The following PRR30 variants were observed in gnomAD, a reference collection of about 807,000 sequenced individuals.
PRR30 encodes proline-rich protein 30.
For synonymous variants in PRR30, 229 were observed against 222.7 expected (o/e 1.03, Z -0.25); for missense variants, 546 against 525.3 (o/e 1.04, Z -0.39).
At chr2:27,138,878 G>A (rs946801137) in intron 2 of PRR30, 92 bp downstream of exon 2, 1 of 161,766 alleles carries the variant, frequency 6.2e-6, no homozygotes, top group Non-Finnish European at 1.4e-5. Flanking sequence ...AAGGAGGAAG[G>A]GAGGGTAGGA....
At position 27,138,537 on chromosome 2, in the gene PRR30, C is replaced by T; in HGVS notation, c.-208G>A. 1.1e-6 allele frequency: 1 copy of T among 912,314 alleles called. No homozygotes were observed. Among genetic ancestry groups the T allele is most frequent in the Non-Finnish European group, 1.6e-6 (1 of 634,172 alleles). The allele number at this position is 912,314 out of a possible 1,614,324, so 56.5% of individuals were successfully genotyped here. On this transcript the variant is annotated 5_prime_UTR_variant, in exon 3 of 3. Transcript: ENST00000335524. ...TCCAGCACCAGGCTCTCAGGGTGTT[C>T]AGGCATGAGCATGAATCTAAGCTTG... is the stretch of plus-strand genomic sequence containing the variant.
rs999320574 is a variant in PRR30 at position 27,137,333 on chromosome 2, G to C, written c.997C>G (p.His333Asp). ...PQGKATQACG[H>D]QLPASQPPAA... ...GGAGGCTGAGATGCTGGCAATTGAT[G>C]CCCACAGGCCTGAGTAGCCTTGCCC... The change falls in exon 3 of 3, where the codon CAT becomes GAT. Residue 333 changes from histidine to aspartate, a missense_variant. By Grantham distance (81) the His-to-Asp change is moderately conservative. Transcript: ENST00000335524. This position sits in a 1 kb window ranked among gnomAD's most constrained non-coding sequence, Gnocchi z 4.3. 7.4e-6 allele frequency: 12 copies of C among 1,614,110 alleles called. No homozygotes were observed. In the African/African-American group the frequency reaches 1.6e-4, roughly 22 times the overall value.
rs1391007311 is a variant in PRR30 at position 27,137,776 on chromosome 2, C to G, written c.554G>C (p.Gly185Ala). 7 of 1,613,300 alleles carry G rather than the reference C, an allele frequency of 4.3e-6. No homozygotes were observed. Among genetic ancestry groups the G allele is most frequent in the Non-Finnish European group, 5.9e-6 (7 of 1,179,474 alleles). Reference sequence around the variant, plus strand: ...CTCCACCACTCCAGGGGACCCGGACCCAGTGTCCCTGTACTGATGCCAGCG... The same window carrying G: ...CTCCACCACTCCAGGGGACCCGGACGCAGTGTCCCTGTACTGATGCCAGCG... ...TWRWHQYRDT[G>A]SGSPGVVERC... is the part of the protein sequence containing the mutation. The change falls in exon 3 of 3, where the codon GGG (glycine) becomes GCG (alanine). Residue 185 changes from glycine (G) to alanine (A), a missense_variant. Coordinates refer to ENST00000335524, the MANE Select transcript of PRR30 (RefSeq NM_178553.4). The surrounding 1 kb of genome is among the most constrained non-coding windows in gnomAD (Gnocchi z 4.3).
chr2:27,137,364 C>A lies in PRR30; in HGVS notation c.966G>T (p.Gly322=). Residue 322 remains glycine (G), a synonymous_variant, in exon 3 of 3, where the codon GGG becomes GGT. Transcript: ENST00000335524. This position sits in a 1 kb window ranked among gnomAD's most constrained non-coding sequence, Gnocchi z 4.3. ...LLPEKRPKEA[G]PQGKATQACG... ...AGGCCTGAGTAGCCTTGCCCTGAGG[C>A]CCTGCTTCCTTCGGCCTTTTCTCGG... The A allele has an allele frequency of 6.2e-7, 1 of 1,614,156 alleles. No individual in the cohort carries two copies. The highest frequency in any genetic ancestry group is 2.2e-5 in the East Asian group (1 of 44,882).
In PRR30 at chr2:27,138,101, C is replaced by T; in HGVS notation, c.229G>A (p.Asp77Asn). The change falls in exon 3 of 3, where the codon GAC becomes AAC. Residue 77 changes from aspartate to asparagine, a missense_variant. Transcript: ENST00000335524. ...TGTGGAGCAAAGTCAGAATTTGAGTCACAAGAGCCGAATTGGAAGCCAGGA... is the reference window on the plus strand; with the variant it reads ...TGTGGAGCAAAGTCAGAATTTGAGTTACAAGAGCCGAATTGGAAGCCAGGA... ...PSPGFQFGSC[D>N]SNSDFAPHPY... 6.2e-7 allele frequency: 1 copy of T among 1,613,818 alleles called. No homozygotes were observed. The highest frequency in any genetic ancestry group is 8.5e-7 in the Non-Finnish European group (1 of 1,179,982).
At position 27,137,296 on chromosome 2, in the gene PRR30, G is replaced by A. The variant is rs140219248; in HGVS notation, c.1034C>T (p.Ala345Val). 2 of 1,614,138 alleles carry A rather than the reference G, an allele frequency of 1.2e-6. No homozygotes were observed. Among genetic ancestry groups the A allele is most frequent in the African/African-American group, 2.7e-5 (2 of 74,940 alleles). Residue 345 changes from alanine (A) to valine (V), a missense_variant, in exon 3 of 3, where the codon GCC (alanine) becomes GTC (valine). By Grantham distance (64) the Ala-to-Val change is moderately conservative (BLOSUM62 0). Coordinates refer to ENST00000335524, the MANE Select transcript of PRR30 (RefSeq NM_178553.4). The surrounding 1 kb of genome is among the most constrained non-coding windows in gnomAD (Gnocchi z 4.3). ...LPASQPPAAQ[A>V]RADPVPGTPS... ...TGTGCCTGGGACTGGGTCGGCCCGG[G>A]CCTGAGCTGCTGGAGGCTGAGATGC... is the stretch of plus-strand genomic sequence containing the variant.
Position 27,137,868 on chromosome 2 carries a change from G to A in PRR30, c.462C>T (p.Ser154=). Reference sequence around the variant, plus strand: ...TGGGGCCTGGGGAAGTGAGTGTGGAGCTATGCAGTTCCTCGGGGTGGGAAG... The same window carrying A: ...TGGGGCCTGGGGAAGTGAGTGTGGAACTATGCAGTTCCTCGGGGTGGGAAG... ...QSPSHPEELH[S]STLTSPGPSP... The change falls in exon 3 of 3, where the codon AGC becomes AGT. Residue 154 remains serine (S), a synonymous_variant. Transcript: ENST00000335524. The surrounding 1 kb of genome is among the most constrained non-coding windows in gnomAD (Gnocchi z 4.3). 6.3e-7 allele frequency: 1 copy of A among 1,599,046 alleles called. No individual in the cohort carries two copies. Among genetic ancestry groups the A allele is most frequent in the Admixed American group, 1.7e-5 (1 of 59,258 alleles).
In PRR30 at chr2:27,137,722, G is replaced by T. The variant is rs915073303; in HGVS notation, c.608C>A (p.Ala203Glu). 9.9e-6 allele frequency: 16 copies of T among 1,613,924 alleles called. No homozygotes were observed. Among genetic ancestry groups the T allele is most frequent in the Non-Finnish European group, 1.4e-5 (16 of 1,180,030 alleles). The part of the protein sequence containing the change: ...ERCVPSEKDP[A>E]QFRDPGALAQ... Reference sequence around the variant, plus strand: ...CAGGGCCCCTGGGTCCCTGAACTGTGCAGGATCCTTCTCGCTTGGCACGCA... The same window carrying T: ...CAGGGCCCCTGGGTCCCTGAACTGTTCAGGATCCTTCTCGCTTGGCACGCA... The change falls in exon 3 of 3, where the codon GCA becomes GAA. Residue 203 changes from alanine (A) to glutamate (E), a missense_variant. Coordinates refer to ENST00000335524, the MANE Select transcript of PRR30 (RefSeq NM_178553.4). The surrounding 1 kb of genome is among the most constrained non-coding windows in gnomAD (Gnocchi z 4.3).
In PRR30 at chr2:27,138,305, C is replaced by A. The variant is rs543742544; in HGVS notation, c.25G>T (p.Val9Leu). Residue 9 changes from valine to leucine, a missense_variant, in exon 3 of 3, where the codon GTG becomes TTG. Physicochemically the swap from Val to Leu is conservative, Grantham distance 32. Transcript: ENST00000335524. MLPQNKDQVLPQTSVLPGR... is the reference protein window; with the variant it reads MLPQNKDQLLPQTSVLPGR... Reference sequence around the variant, plus strand: ...GGGAGCACTGAGGTCTGTGGCAGCACCTGGTCCTTGTTTTGAGGCAACATC... The same window carrying A: ...GGGAGCACTGAGGTCTGTGGCAGCAACTGGTCCTTGTTTTGAGGCAACATC... 4.7e-5 allele frequency: 75 copies of A among 1,603,574 alleles called. 1 individual carries two copies. The highest frequency in any genetic ancestry group is 1.4e-4 in the South Asian group (13 of 90,588).
In PRR30 at chr2:27,137,425, A is replaced by G. The variant is rs1471964283; in HGVS notation, c.905T>C (p.Leu302Pro). The change falls in exon 3 of 3, where the codon CTG becomes CCG. Residue 302 changes from leucine (L) to proline (P), a missense_variant. Leu to Pro is a moderately conservative substitution (Grantham distance 98). Transcript: ENST00000335524. The surrounding 1 kb of genome is among the most constrained non-coding windows in gnomAD (Gnocchi z 4.3). ...CAAGGCCCTGGCCTGGCCCTGAGGC[A>G]GGCGGAGGCCGAAGCCGATGCCTAT... is the stretch of plus-strand genomic sequence containing the variant. The part of the protein sequence containing the change: ...LRIGIGFGLR[L>P]PQGQARALHL... 1.2e-6 allele frequency: 2 copies of G among 1,612,890 alleles called. No individual in the cohort carries two copies. Among genetic ancestry groups the G allele is most frequent in the African/African-American group, 1.3e-5 (1 of 75,064 alleles).
chr2:27,137,702 C>A lies in PRR30; in HGVS notation c.628G>T (p.Ala210Ser), dbSNP rs765597175. The A allele has an allele frequency of 5.0e-6, 8 of 1,613,560 alleles. No homozygotes were observed. Among genetic ancestry groups the A allele is most frequent in the African/African-American group, 2.7e-5 (2 of 74,942 alleles). Residue 210 changes from alanine to serine, a missense_variant, in exon 3 of 3, where the codon GCC becomes TCC. By Grantham distance (99) the Ala-to-Ser change is moderately conservative (BLOSUM62 1). Coordinates refer to ENST00000335524, the MANE Select transcript of PRR30 (RefSeq NM_178553.4). This position sits in a 1 kb window ranked among gnomAD's most constrained non-coding sequence, Gnocchi z 4.3. ...KDPAQFRDPG[A>S]LAQALVVQLG... Reference sequence around the variant, plus strand: ...TGGACCACCAGGGCCTGGGCCAGGGCCCCTGGGTCCCTGAACTGTGCAGGA... The same window carrying A: ...TGGACCACCAGGGCCTGGGCCAGGGACCCTGGGTCCCTGAACTGTGCAGGA...
In PRR30 at chr2:27,137,756, C is replaced by T; in HGVS notation, c.574G>A (p.Val192Met). 6.2e-7 allele frequency: 1 copy of T among 1,613,946 alleles called. No homozygotes were observed. Among genetic ancestry groups the T allele is most frequent in the Non-Finnish European group, 8.5e-7 (1 of 1,179,878 alleles). ...TTCTCGCTTGGCACGCATCTCTCCA[C>T]CACTCCAGGGGACCCGGACCCAGTG... ...RDTGSGSPGV[V>M]ERCVPSEKDP... is the part of the protein sequence containing the mutation. The change falls in exon 3 of 3, where the codon GTG becomes ATG. Residue 192 changes from valine to methionine, a missense_variant. Physicochemically the swap from Val to Met is conservative, Grantham distance 21. Coordinates refer to ENST00000335524, the MANE Select transcript of PRR30 (RefSeq NM_178553.4). The surrounding 1 kb of genome is among the most constrained non-coding windows in gnomAD (Gnocchi z 4.3).
Position 27,137,794 on chromosome 2 carries a change from T to C in PRR30, c.536A>G (p.His179Arg). ...LHSNRQTWRWHQYRDTGSGSP... is the reference protein window; with the variant it reads ...LHSNRQTWRWRQYRDTGSGSP... ...CCCGGACCCAGTGTCCCTGTACTGA[T>C]GCCAGCGCCATGTCTGCCTGTTAGA... Residue 179 changes from histidine to arginine, a missense_variant, in exon 3 of 3, where the codon CAT becomes CGT. By Grantham distance (29) the His-to-Arg change is conservative (BLOSUM62 0). Coordinates refer to ENST00000335524, the MANE Select transcript of PRR30 (RefSeq NM_178553.4). This position sits in a 1 kb window ranked among gnomAD's most constrained non-coding sequence, Gnocchi z 4.3. The C allele has an allele frequency of 6.2e-7, 1 of 1,607,014 alleles. No individual in the cohort carries two copies. Among genetic ancestry groups the C allele is most frequent in the South Asian group, 1.1e-5 (1 of 90,884 alleles).
chr2:27,138,267 A>G lies in PRR30; in HGVS notation c.63T>C (p.Thr21=), dbSNP rs1672552406. ...PQTSVLPGRP[T]WGFSQLVDSS... ...AGTCCACAAGTTGTGAGAAGCCCCA[A>G]GTGGGGCGCCCAGGGAGCACTGAGG... Residue 21 remains threonine, a synonymous_variant, in exon 3 of 3, where the codon ACT becomes ACC. Coordinates refer to ENST00000335524, the MANE Select transcript of PRR30 (RefSeq NM_178553.4). The G allele has an allele frequency of 1.2e-6, 2 of 1,613,474 alleles. No homozygotes were observed. The highest frequency in any genetic ancestry group is 1.3e-5 in the African/African-American group (1 of 75,006).
Position 27,136,866 on chromosome 2 carries a change from T to C in PRR30, c.*225A>G. On this transcript the variant is annotated 3_prime_UTR_variant, in exon 3 of 3. Coordinates refer to ENST00000335524, the MANE Select transcript of PRR30 (RefSeq NM_178553.4). ...ACACAAGTTTCACAGGGTCAGACTTTATTAGATACACGGAGGGCTGAATGG... is the reference window on the plus strand; with the variant it reads ...ACACAAGTTTCACAGGGTCAGACTTCATTAGATACACGGAGGGCTGAATGG... The C allele has an allele frequency of 3.2e-6, 2 of 631,040 alleles. No homozygotes were observed. Among genetic ancestry groups the C allele is most frequent in the Admixed American group, 3.0e-5 (1 of 33,820 alleles). 39.1% of individuals were successfully genotyped at this position (631,040 alleles called of 1,614,324 possible). A position where few individuals can be genotyped will look rare whatever the true frequency, so the allele number is the denominator to read the frequency against.
At chr2:27,139,184 C>A (rs1285990749) in intron 1 of PRR30, 119 bp downstream of exon 1, 1 of 152,466 alleles carries the variant, frequency 6.6e-6, no homozygotes, top group Non-Finnish European at 1.5e-5. Context: ...TTTTTATTCT[C>A]CTAATCCTGA....
chr2:27,137,341 GC>G lies in PRR30; in HGVS notation c.988del (p.Ala330ProfsTer60). On this transcript the variant is annotated frameshift_variant, in exon 3 of 3. Transcript: ENST00000335524. LOFTEE classifies it low-confidence loss of function (END_TRUNC). The surrounding 1 kb of genome is among the most constrained non-coding windows in gnomAD (Gnocchi z 4.3). ...EAGPQGKATQACGHQLPASQP... is the reference protein window; with the variant it reads ...EAGPQGKATQXCGHQLPASQP... Reference sequence around the variant, plus strand: ...AGATGCTGGCAATTGATGCCCACAGGCCTGAGTAGCCTTGCCCTGAGGCCCT... The same window carrying G: ...AGATGCTGGCAATTGATGCCCACAGGCTGAGTAGCCTTGCCCTGAGGCCCT... 6.2e-7 allele frequency: 1 copy of G among 1,614,204 alleles called. No individual in the cohort carries two copies. Among genetic ancestry groups the G allele is most frequent in the Non-Finnish European group, 8.5e-7 (1 of 1,180,044 alleles).
Position 27,137,883 on chromosome 2 carries a change from G to T in PRR30, c.447C>A (p.Pro149=). ...TGAGTGTGGAGCTATGCAGTTCCTC[G>T]GGGTGGGAAGGGGACTGGCAAGGTG... ...PHSPCQSPSH[P]EELHSSTLTS... Residue 149 remains proline (P), a synonymous_variant, in exon 3 of 3, where the codon CCC becomes CCA. Transcript: ENST00000335524. This position sits in a 1 kb window ranked among gnomAD's most constrained non-coding sequence, Gnocchi z 4.3. 1 of 1,598,604 alleles carries T rather than the reference G, an allele frequency of 6.3e-7. No homozygotes were observed.
rs1003673679 is a variant in PRR30, at chr2:27,138,524, C to A, written c.-195G>T. On this transcript the variant is annotated 5_prime_UTR_variant, in exon 3 of 3. Transcript: ENST00000335524. ...GGATACCCAGCCCTCCAGCACCAGG[C>A]TCTCAGGGTGTTCAGGCATGAGCAT... 9.0e-7 allele frequency: 1 copy of A among 1,106,024 alleles called. No homozygotes were observed. The allele number at this position is 1,106,024 out of a possible 1,614,324, so 68.5% of individuals were successfully genotyped here.
Sources: gnomAD v4.1 joint callset for allele counts on GRCh38, gnomAD v4.1.1 for gene constraint, Gnocchi (gnomAD v3.1) non-coding constraint, MANE v1.5 for transcripts, NCBI Gene and HGNC (gene_info 2026-07-23, HGNC 2026-07-21) for gene names.